Variants in ZRANB3 observed in about 807,000 individuals in gnomAD.
ZRANB3 encodes zinc finger RANBP2-type containing 3, also known as DNA annealing helicase and endonuclease ZRANB3.
Under a neutral mutation model 133.8 loss-of-function variants are expected in ZRANB3, and 125 were observed. The observed-to-expected ratio is 0.93, with a 90% CI of 0.81 to 1.08. The LOEUF (loss-of-function observed/expected upper bound fraction) is 1.08. Among genes scored for constraint, ZRANB3 ranks in the 50% least tolerant of loss-of-function variants. ZRANB3 has a pLI of 0.00. For synonymous variants in ZRANB3, 387 were observed against 432.7 expected (o/e 0.89, Z 1.31); for missense variants, 1,229 against 1,275.5 (o/e 0.96, Z 0.56).
chr2:135,525,993 G>C (rs1482765269), intron 1 of ZRANB3, among the ~76,000 whole-genome samples: 2 of 152,018 alleles, frequency 1.3e-5, no homozygotes, highest in Non-Finnish European at 2.9e-5. Flanking sequence ...AAAGTATGTA[G>C]TCAAATTCAG....
intron 13 of ZRANB3, among the ~76,000 whole-genome samples, chr2:135,229,659 G>C (rs181777697): frequency 6.6e-6 from 1 of 152,180 alleles, no homozygotes; most frequent in Non-Finnish European, 1.5e-5. Context: ...GAGCCACCGC[G>C]CCCGGCCGCC....
chr2:135,229,784 C>G (rs1694914122), intron 13 of ZRANB3, among the ~76,000 whole-genome samples: 1 of 152,074 alleles, frequency 6.6e-6, no homozygotes, highest in Non-Finnish European at 1.5e-5. Context: ...ATTTTTATTA[C>G]TATAAAAATG....
At chr2:135,302,815 C>T (rs899072755) in intron 8 of ZRANB3, among the ~76,000 whole-genome samples, 22 of 152,248 alleles carry the variant, frequency 1.4e-4, no homozygotes, top group Admixed American at 3.9e-4. Context: ...GGAGCCACTG[C>T]GCCCGGCCCC....
chr2:135,235,794 A>G (rs992428941), intron 12 of ZRANB3, among the ~76,000 whole-genome samples: 6 of 150,438 alleles, frequency 4.0e-5, no homozygotes, highest in African/African-American at 9.8e-5. Context: ...ATCTCAAAAT[A>G]ATAAGAGCTA....
chr2:135,334,370 A>G (rs936103185), intron 6 of ZRANB3, among the ~76,000 whole-genome samples: 1 of 152,240 alleles, frequency 6.6e-6, no homozygotes, highest in Non-Finnish European at 1.5e-5. Context: ...CTTCCACACA[A>G]AGCTGACTTT....
chr2:135,456,129 G>A (rs916772098), intron 2 of ZRANB3, among the ~76,000 whole-genome samples: 1 of 152,002 alleles, frequency 6.6e-6, no homozygotes, highest in Non-Finnish European at 1.5e-5. Flanking sequence ...TGTTGATTAG[G>A]GTAGACTTGG....
chr2:135,352,885 T>C (rs1685272213), intron 4 of ZRANB3, among the ~76,000 whole-genome samples: 1 of 152,152 alleles, frequency 6.6e-6, no homozygotes, highest in African/African-American at 2.4e-5. Flanking sequence ...CTTATTCTAA[T>C]TGCTAGAAAG....
In ZRANB3 at chr2:135,200,064, A is replaced by G. The variant is rs189847507; in HGVS notation, c.*278T>C. The G allele has an allele frequency of 4.2e-6, 2 of 474,228 alleles. No homozygotes were observed. Among genetic ancestry groups the G allele is most frequent in the Non-Finnish European group, 7.7e-6 (2 of 258,424 alleles). 29.4% of individuals were successfully genotyped at this position (474,228 alleles called of 1,614,324 possible). ...TATGCACAATACAGTGATTAGGCAT[A>G]TTAGGGGTAAAGAGCTTTACAAAAC... On this transcript the variant is annotated 3_prime_UTR_variant, in exon 21 of 21. Coordinates refer to ENST00000264159, the MANE Select transcript of ZRANB3 (RefSeq NM_032143.4).
chr2:135,299,915 G>T (rs1682348333), intron 8 of ZRANB3, among the ~76,000 whole-genome samples: 1 of 152,142 alleles, frequency 6.6e-6, no homozygotes, highest in Non-Finnish European at 1.5e-5. Flanking sequence ...TGTAAGTTAT[G>T]AAGCAAAGAA....
chr2:135,412,912 G>A (rs937799845), intron 2 of ZRANB3, among the ~76,000 whole-genome samples: 3 of 151,866 alleles, frequency 2.0e-5, no homozygotes, highest in Non-Finnish European at 2.9e-5. Context: ...AAATTCATTA[G>A]GTTTTTGGAA....
chr2:135,204,224 C>T (rs1406767547), intron 19 of ZRANB3, among the ~76,000 whole-genome samples: 1 of 152,146 alleles, frequency 6.6e-6, no homozygotes. Flanking sequence ...TGCTGAACTT[C>T]CCAACTTCTG....
intron 9 of ZRANB3, among the ~76,000 whole-genome samples, chr2:135,273,196 GA>G (rs985691114): frequency 3.2e-4 from 42 of 130,734 alleles, no homozygotes; most frequent in African/African-American, 8.7e-4. Context: ...AAAAAAAAAA[GA>G]AAAAAAAAAG....
In ZRANB3 at chr2:135,357,441, G is replaced by A. The variant is rs753630505; in HGVS notation, c.181-3813C>T. On this transcript the variant is annotated intron_variant, in intron 3 of 20. Coordinates refer to ENST00000264159, the MANE Select transcript of ZRANB3 (RefSeq NM_032143.4). ...CTCCCGAGTAGCTGGGATTACAGGC[G>A]CATGCCACCACTCCCGGCTAACTTT... Among the ~76,000 whole-genome samples the A allele has an allele frequency of 9.1e-4, 138 of 152,284 alleles. 1 individual carries two copies. The Middle Eastern group carries it at 0.01, about 11-fold the overall frequency.
intron 3 of ZRANB3, among the ~76,000 whole-genome samples, chr2:135,378,448 C>T (rs975654133): frequency 1.3e-5 from 2 of 151,676 alleles, no homozygotes; most frequent in Non-Finnish European, 2.9e-5. Context: ...GCCGAGATCA[C>T]GCCATTGCAT....
intron 8 of ZRANB3, among the ~76,000 whole-genome samples, chr2:135,293,910 G>A (rs1448614469): frequency 3.6e-4 from 55 of 150,918 alleles, no homozygotes; most frequent in Non-Finnish European, 6.6e-4. Context: ...ATTGATTTTC[G>A]TATGTTGAAC....
chr2:135,466,359 G>A (rs1690993050), intron 2 of ZRANB3, among the ~76,000 whole-genome samples: 1 of 139,076 alleles, frequency 7.2e-6, no homozygotes, highest in African/African-American at 2.8e-5. Context: ...CTCCAGCCTG[G>A]GCGACAGAGT....
chr2:135,410,094 T>C (rs1237515424), intron 2 of ZRANB3, among the ~76,000 whole-genome samples: 1 of 152,130 alleles, frequency 6.6e-6, no homozygotes, highest in Non-Finnish European at 1.5e-5. Context: ...GCTATTCCTA[T>C]CAAACTACCA....
intron 9 of ZRANB3, among the ~76,000 whole-genome samples, chr2:135,272,834 A>G (rs1048603665): frequency 3.9e-5 from 6 of 152,160 alleles, no homozygotes; most frequent in African/African-American, 1.4e-4. Flanking sequence ...GTTGTCTTTA[A>G]GAATGATTTG....
At chr2:135,301,161 C>T (rs765156745) in intron 8 of ZRANB3, among the ~76,000 whole-genome samples, 1 of 151,966 alleles carries the variant, frequency 6.6e-6, no homozygotes, top group African/African-American at 2.4e-5. Context: ...CAGGCACATG[C>T]CACCATGCCC....
Sources: allele counts gnomAD v4.1 joint callset (sites outside exome capture counted in the v4.1 genomes callset), GRCh38; gene constraint gnomAD v4.1.1; transcripts MANE v1.5; gene names NCBI Gene and HGNC (gene_info 2026-07-23, HGNC 2026-07-21).